The following SMARCA4 variants were observed in gnomAD, a reference collection of about 807,000 sequenced individuals.
SMARCA4 encodes the protein SWI/SNF related BAF chromatin remodeling complex subunit ATPase 4.
In SMARCA4, 31 loss-of-function variants were observed where a neutral mutation model predicts 193.9. The observed-to-expected ratio is 0.16, with a 90% CI of 0.12 to 0.22. SMARCA4 has a LOEUF of 0.22. Ranked by LOEUF, SMARCA4 falls within the 10% of genes least tolerant of loss-of-function variation. SMARCA4 has a pLI of 1.00. For missense variants in SMARCA4, 1,148 were observed against 2,296.0 expected (o/e 0.50, Z 10.22); for synonymous variants, 942 against 933.1 (o/e 1.01, Z -0.17).
At chr19:11,002,728 GGTT>G (rs1232689987) in intron 11 of SMARCA4, among the ~76,000 whole-genome samples, 1 of 150,196 alleles carries the variant, frequency 6.7e-6, no homozygotes, top group Non-Finnish European at 1.5e-5. Context: ...AGGAGGCAGA[GGTT>G]GTAGTGAGCC....
intron 21 of SMARCA4, among the ~76,000 whole-genome samples, chr19:11,024,987 C>T (rs1017272543): frequency 1.3e-5 from 2 of 150,618 alleles, no homozygotes; most frequent in African/African-American, 4.9e-5. Context: ...ATGCACCCCC[C>T]GCCCCGCCCC....
rs538811734 is a variant in SMARCA4 at position 11,032,931 on chromosome 19, G to A, written c.3547-359G>A. The stretch of plus-strand genomic sequence containing the variant: ...CACGGCCGAGCTTCGGCCCCCTGTT[G>A]TAAATGGTGCTCGACTGTGTAGGTC... On this transcript the variant is annotated intron_variant, in intron 25 of 34. Transcript: ENST00000344626. Among the ~76,000 whole-genome samples, 18 of 152,380 alleles carry A rather than the reference G, an allele frequency of 1.2e-4. No individual in the cohort carries two copies. The South Asian group carries it at 2.1e-3, about 18-fold the overall frequency.
At chr19:10,979,151 G>T (rs2085366826) in intron 1 of SMARCA4, among the ~76,000 whole-genome samples, 1 of 152,162 alleles carries the variant, frequency 6.6e-6, no homozygotes, top group Non-Finnish European at 1.5e-5. Context: ...TGCTGTCCCT[G>T]TGTGGGAGGT....
At chr19:11,025,285 C>T in intron 21 of SMARCA4, 137 bp from the exon 22 acceptor site, 2 of 688,680 alleles carry the variant, frequency 2.9e-6, no homozygotes, top group South Asian at 3.0e-5. Flanking sequence ...CTCCTCACTC[C>T]CAATTGCTGT....
chr19:11,004,871 G>C (rs957588821), intron 13 of SMARCA4, among the ~76,000 whole-genome samples: 1 of 147,344 alleles, frequency 6.8e-6, no homozygotes, highest in Non-Finnish European at 1.5e-5. Flanking sequence ...ACGGAGTCTC[G>C]CTCTGTCACC....
Position 11,035,064 on chromosome 19 carries a change from G to C in SMARCA4, c.4102G>C (p.Gly1368Arg), listed in dbSNP as rs1060502101. Reference sequence around the variant, plus strand: ...TGAGGAGGAGGAGGAGAAGATGTTCGGCCGTGGCTCCCGCCACCGCAAGGA... The same window carrying C: ...TGAGGAGGAGGAGGAGAAGATGTTCCGCCGTGGCTCCCGCCACCGCAAGGA... The part of the protein sequence containing the change: ...TCEEEEEKMF[G>R]RGSRHRKEVD... Residue 1368 changes from glycine (G) to arginine (R), a missense_variant, in exon 29 of 35, where the codon GGC becomes CGC. Gly to Arg is a moderately radical substitution (Grantham distance 125). Around this residue, in one of 17 missense-constraint regions of SMARCA4, gnomAD observed 84 missense variants for 202.2 expected, o/e 0.42. Coordinates refer to ENST00000344626, the MANE Select transcript of SMARCA4 (RefSeq NM_003072.5). 2 of 1,613,088 alleles carry C rather than the reference G, an allele frequency of 1.2e-6. No individual in the cohort carries two copies.
chr19:10,983,404 T>C (rs2085726556), intron 1 of SMARCA4: 1 of 152,042 alleles, frequency 6.6e-6, no homozygotes, highest in Admixed American at 6.6e-5. Context: ...CTGTTTTGGC[T>C]GAATTGATGG....
chr19:11,045,932 GA>G (rs201978102), intron 30 of SMARCA4, among the ~76,000 whole-genome samples: 25 of 150,450 alleles, frequency 1.7e-4, no homozygotes, highest in Non-Finnish European at 1.0e-4. Context: ...AAAAAAAGAA[GA>G]AAAAAAAAGT....
In SMARCA4 at chr19:10,991,178, G is replaced by A. The variant is rs377549345; in HGVS notation, c.1274G>A (p.Arg425Gln). Reference sequence around the variant, plus strand: ...CGCCAGGAGGTGGTGGTGTGCATGCGGAGGGACACAGCGCTGGAGACAGCC... The same window carrying A: ...CGCCAGGAGGTGGTGGTGTGCATGCAGAGGGACACAGCGCTGGAGACAGCC... ...QLRQEVVVCM[R>Q]RDTALETALN... The change falls in exon 8 of 35, where the codon CGG (arginine) becomes CAG (glutamine). Residue 425 changes from arginine (R) to glutamine (Q), a missense_variant. This residue lies in a region of SMARCA4 where 69 missense variants were observed against 186.9 expected (regional missense o/e 0.37). Transcript: ENST00000344626. 1.9e-6 allele frequency: 3 copies of A among 1,613,868 alleles called. No individual in the cohort carries two copies. Among genetic ancestry groups the A allele is most frequent in the Admixed American group, 1.7e-5 (1 of 60,028 alleles).
Position 10,987,733 on chromosome 19 carries a change from C to T in SMARCA4, c.927C>T (p.Gly309=), listed in dbSNP as rs1345596891. The change falls in exon 6 of 35, where the codon GGC becomes GGT. Residue 309 remains glycine (G), a synonymous_variant. Coordinates refer to ENST00000344626, the MANE Select transcript of SMARCA4 (RefSeq NM_003072.5). The surrounding 1 kb of genome is among the most constrained non-coding windows in gnomAD (Gnocchi z 5.3). ...PQKLIPPQPT[G]RPSPAPPAVP... ...AGCTGATTCCCCCGCAGCCAACGGG[C>T]CGCCCTTCCCCCGCGCCCCCTGCCG... 2 of 1,605,488 alleles carry T rather than the reference C, an allele frequency of 1.2e-6. No individual in the cohort carries two copies. Among genetic ancestry groups the T allele is most frequent in the Non-Finnish European group, 1.7e-6 (2 of 1,175,310 alleles).
Position 11,000,358 on chromosome 19 carries a change from G to A in SMARCA4, c.1813-2671G>A, listed in dbSNP as rs142275893. Among the ~76,000 whole-genome samples, 482 of 152,014 alleles carry A rather than the reference G, an allele frequency of 3.2e-3. 2 individuals are homozygous for A. Among genetic ancestry groups the A allele is most frequent in the African/African-American group, 0.011 (453 of 41,454 alleles). On this transcript the variant is annotated intron_variant, in intron 11 of 34. Coordinates refer to ENST00000344626, the MANE Select transcript of SMARCA4 (RefSeq NM_003072.5). ...TCGAAACCAGCCTGAGCAACATGGTGAAACCTCATCTCTACAAAAAATTAA... is the reference window on the plus strand; with the variant it reads ...TCGAAACCAGCCTGAGCAACATGGTAAAACCTCATCTCTACAAAAAATTAA...
chr19:11,019,020 C>A lies in SMARCA4; in HGVS notation c.2502C>A (p.Tyr834Ter). The A allele has an allele frequency of 6.2e-7, 1 of 1,613,414 alleles. No homozygotes were observed. Among genetic ancestry groups the A allele is most frequent in the Non-Finnish European group, 8.5e-7 (1 of 1,179,302 alleles). The change falls in exon 17 of 35, where the codon TAC becomes TAA. Residue 834 changes from tyrosine to a stop codon, truncating the protein, a stop_gained. Transcript: ENST00000344626. LOFTEE classifies it high-confidence loss of function. The surrounding 1 kb of genome is among the most constrained non-coding windows in gnomAD (Gnocchi z 6.1). The stretch of plus-strand genomic sequence containing the variant: ...CCCCCTCCGTGGTGAAGGTGTCTTA[C>A]AAGGTAGGTCACAGCCACTGAGGTT... ...KWAPSVVKVSYKGSPAARRAF... is the reference protein window; with the variant it reads ...KWAPSVVKVS
Position 10,986,163 on chromosome 19 carries a change from A to ACCAGTGGG in SMARCA4, c.356-24_356-17dup, listed in dbSNP as rs1568421489. 6.3e-7 allele frequency: 1 copy of ACCAGTGGG among 1,578,668 alleles called. No individual in the cohort carries two copies. Among genetic ancestry groups the ACCAGTGGG allele is most frequent in the East Asian group, 2.2e-5 (1 of 44,686 alleles). On this transcript the variant is annotated intron_variant, in intron 3 of 34. Transcript: ENST00000344626. The surrounding 1 kb of genome is among the most constrained non-coding windows in gnomAD (Gnocchi z 6.7). ...AATCACAGACATATGCTGCCGAGTG[A>ACCAGTGGG]CCAGTGGGCTGACCTTTCTCTGCAG...
At chr19:11,048,890 A>G (rs1328335966) in intron 30 of SMARCA4, among the ~76,000 whole-genome samples, 1 of 152,130 alleles carries the variant, frequency 6.6e-6, no homozygotes, top group Non-Finnish European at 1.5e-5. Context: ...CTGCACTCAG[A>G]TTCACAGCCA....
chr19:11,008,659 G>T (rs117913601), intron 14 of SMARCA4, among the ~76,000 whole-genome samples: 4,241 of 152,250 alleles, frequency 0.028, 93 homozygotes, highest in Non-Finnish European at 0.041. Flanking sequence ...CTTATGGTAA[G>T]GAATTAATAG....
intron 30 of SMARCA4, among the ~76,000 whole-genome samples, chr19:11,048,067 T>G (rs905280359): frequency 1.3e-5 from 2 of 152,156 alleles, no homozygotes; most frequent in Non-Finnish European, 2.9e-5. Context: ...CAGGTGGTGC[T>G]CATGTCACTC....
At chr19:11,051,259 T>C (rs2076243096) in intron 30 of SMARCA4, among the ~76,000 whole-genome samples, 1 of 152,118 alleles carries the variant, frequency 6.6e-6, no homozygotes, top group African/African-American at 2.4e-5. Context: ...TTTAGAAGAA[T>C]GAGTCTGAAA....
chr19:10,997,168 C>T (rs542722198), intron 11 of SMARCA4, among the ~76,000 whole-genome samples: 1 of 151,672 alleles, frequency 6.6e-6, no homozygotes, highest in Admixed American at 6.6e-5. Context: ...TATAGGCATC[C>T]ACCACCACGC....
rs765751495 is a variant in SMARCA4, at chr19:11,058,793, C to T, written c.4539C>T (p.Arg1513=). Residue 1513 remains arginine, a synonymous_variant, in exon 32 of 35, where the codon CGC becomes CGT. Transcript: ENST00000344626. The surrounding 1 kb of genome is among the most constrained non-coding windows in gnomAD (Gnocchi z 5.8). ...GCTCCTCCCGTCCACTGCAGGAGCGCATTCGCAACCACAAGTACCGCAGCC... is the reference window on the plus strand; with the variant it reads ...GCTCCTCCCGTCCACTGCAGGAGCGTATTCGCAACCACAAGTACCGCAGCC... ...KPVDFKKIKE[R]IRNHKYRSLN... is the part of the protein sequence containing the mutation. The T allele has an allele frequency of 6.8e-6, 11 of 1,614,016 alleles. No individual in the cohort carries two copies. Among genetic ancestry groups the T allele is most frequent in the Non-Finnish European group, 9.3e-6 (11 of 1,179,930 alleles).
Sources: allele counts gnomAD v4.1 joint callset (sites outside exome capture counted in the v4.1 genomes callset), GRCh38; gene constraint gnomAD v4.1.1; regional missense constraint gnomAD v4.1.1; non-coding constraint Gnocchi (gnomAD v3.1); transcripts MANE v1.5; gene names NCBI Gene and HGNC (gene_info 2026-07-23, HGNC 2026-07-21).